The following MTA3 variants were observed in gnomAD, a reference collection of about 807,000 sequenced individuals.
The protein encoded by MTA3 is metastasis-associated protein MTA3.
MTA3 carries 34 observed loss-of-function variants against 83.5 expected under a neutral mutation model. The observed-to-expected ratio is 0.41, with a 90% CI of 0.31 to 0.54. MTA3 has a LOEUF of 0.54. Among genes scored for constraint, MTA3 ranks in the 20% least tolerant of loss-of-function variants. The probability of loss-of-function intolerance (pLI) is 0.33; values close to 1 mark genes in which losing one functional copy is unlikely to be tolerated. For synonymous variants in MTA3, 303 were observed against 252.7 expected (o/e 1.20, Z -1.89); for missense variants, 761 against 726.4 (o/e 1.05, Z -0.55).
intron 14 of MTA3, among the ~76,000 whole-genome samples, chr2:42,712,145 C>T (rs746415452): frequency 2.6e-5 from 4 of 151,926 alleles, no homozygotes; most frequent in Non-Finnish European, 5.9e-5. Context: ...GCTTTTTAAA[C>T]CTGTATTAAA....
chr2:42,594,054 C>T (rs754578349), intron 3 of MTA3, among the ~76,000 whole-genome samples: 8 of 150,534 alleles, frequency 5.3e-5, no homozygotes, highest in Non-Finnish European at 1.2e-4. Context: ...CAGGTTCAAG[C>T]GATTCTTCTG....
intron 8 of MTA3, among the ~76,000 whole-genome samples, chr2:42,670,352 G>T (rs1200238604): frequency 1.3e-5 from 2 of 151,988 alleles, no homozygotes; most frequent in African/African-American, 4.8e-5. Flanking sequence ...AGATTCCCCA[G>T]TTGTTACCAT....
chr2:42,671,716 G>T (rs1281529989), intron 8 of MTA3, among the ~76,000 whole-genome samples: 1 of 152,008 alleles, frequency 6.6e-6, no homozygotes, highest in Non-Finnish European at 1.5e-5. Context: ...AGGAAGTGTG[G>T]CTCATCTACC....
intron 3 of MTA3, among the ~76,000 whole-genome samples, chr2:42,583,653 C>T (rs1479281137): frequency 2.0e-5 from 3 of 151,842 alleles, no homozygotes; most frequent in South Asian, 2.1e-4. Flanking sequence ...CTCAGCCTCC[C>T]GAATAGCTGA....
intron 16 of MTA3, among the ~76,000 whole-genome samples, chr2:42,740,332 G>A (rs1289330657): frequency 2.0e-5 from 3 of 152,202 alleles, no homozygotes; most frequent in Non-Finnish European, 4.4e-5. Flanking sequence ...ACAACATAGC[G>A]AAACCCTGTC....
intron 4 of MTA3, among the ~76,000 whole-genome samples, chr2:42,629,135 A>C (rs1009438925): frequency 1.3e-5 from 2 of 152,126 alleles, no homozygotes; most frequent in Non-Finnish European, 2.9e-5. Context: ...GCTGGAGTGC[A>C]GTAATGTGAT....
At chr2:42,733,320 A>T (rs1451760790) in intron 16 of MTA3, among the ~76,000 whole-genome samples, 1 of 152,204 alleles carries the variant, frequency 6.6e-6, no homozygotes, top group Non-Finnish European at 1.5e-5. Context: ...AACCCCTGAT[A>T]AACTCATCAG....
intron 2 of MTA3, among the ~76,000 whole-genome samples, chr2:42,518,992 CA>C (rs1333154890): frequency 7.5e-6 from 1 of 133,738 alleles, no homozygotes; most frequent in East Asian, 2.1e-4. Flanking sequence ...CACACACACA[CA>C]CACACACACA....
At chr2:42,574,128 G>A (rs923863684) in intron 2 of MTA3, among the ~76,000 whole-genome samples, 5 of 147,258 alleles carry the variant, frequency 3.4e-5, no homozygotes, top group African/African-American at 1.2e-4. Context: ...GAGCCACCGC[G>A]CCCGGCTTTT....
intron 2 of MTA3, among the ~76,000 whole-genome samples, chr2:42,499,068 C>T (rs2103637053): frequency 6.6e-6 from 1 of 152,144 alleles, no homozygotes; most frequent in South Asian, 2.1e-4. Flanking sequence ...TATGAAGTTT[C>T]AGTTATATAG....
chr2:42,496,283 CAA>C (rs1674127823), intron 2 of MTA3, among the ~76,000 whole-genome samples: 1 of 152,092 alleles, frequency 6.6e-6, no homozygotes, highest in South Asian at 2.1e-4. Flanking sequence ...TCATTTGTTT[CAA>C]GAGTAATATT....
chr2:42,552,737 G>A (rs556521499), intron 2 of MTA3, among the ~76,000 whole-genome samples: 1 of 152,040 alleles, frequency 6.6e-6, no homozygotes, highest in Non-Finnish European at 1.5e-5. Flanking sequence ...GGATCATGAG[G>A]TCAAGAGATA....
intron 12 of MTA3, among the ~76,000 whole-genome samples, chr2:42,707,542 C>T (rs1011337191): frequency 5.9e-5 from 9 of 152,150 alleles, no homozygotes; most frequent in Non-Finnish European, 1.0e-4. Flanking sequence ...CCACCATGTC[C>T]GGCCCCAGAT....
At chr2:42,723,109 CA>C (rs1240376593) in intron 16 of MTA3, 74 bp downstream of exon 16, 31 of 1,434,866 alleles carry the variant, frequency 2.2e-5, no homozygotes, top group Non-Finnish European at 2.9e-5. Flanking sequence ...CTGCCACATC[CA>C]AAAATATATT....
At chr2:42,558,001 C>T (rs1168086485) in intron 2 of MTA3, among the ~76,000 whole-genome samples, 1 of 152,134 alleles carries the variant, frequency 6.6e-6, no homozygotes, top group Non-Finnish European at 1.5e-5. Flanking sequence ...GGAAAGATGG[C>T]AGGGGAGTTG....
intron 14 of MTA3, among the ~76,000 whole-genome samples, chr2:42,717,135 T>G (rs1481394562): frequency 2.7e-5 from 4 of 148,686 alleles, no homozygotes; most frequent in Non-Finnish European, 4.5e-5. Flanking sequence ...GAGTTTTTTT[T>G]TTTTTTTTTT....
At chr2:42,731,993 A>G (rs1282490324) in intron 16 of MTA3, among the ~76,000 whole-genome samples, 1 of 152,224 alleles carries the variant, frequency 6.6e-6, no homozygotes, top group Admixed American at 6.5e-5. Flanking sequence ...TAAAGCTCCA[A>G]AATGATCTCC....
intron 4 of MTA3, among the ~76,000 whole-genome samples, chr2:42,620,413 C>T (rs914103902): frequency 6.6e-6 from 1 of 152,136 alleles, no homozygotes; most frequent in Non-Finnish European, 1.5e-5. Flanking sequence ...AGCTACCGTG[C>T]CCTGCCGACA....
intron 2 of MTA3, among the ~76,000 whole-genome samples, chr2:42,554,557 A>C (rs886392337): frequency 6.6e-6 from 1 of 152,194 alleles, no homozygotes; most frequent in Non-Finnish European, 1.5e-5. Flanking sequence ...CCTGGGGGCC[A>C]GGGATAGTGA....
Sources: gnomAD v4.1 joint callset for allele counts (sites outside exome capture counted in the v4.1 genomes callset) on GRCh38, gnomAD v4.1.1 for gene constraint, MANE v1.5 for transcripts, NCBI Gene and HGNC (gene_info 2026-07-23, HGNC 2026-07-21) for gene names.